The following TPRG1 variants were observed in gnomAD, a reference collection of about 807,000 sequenced individuals.
TPRG1 encodes the protein tumor protein p63 regulated 1.
TPRG1 carries 29 observed loss-of-function variants against 29.3 expected under a neutral mutation model. The ratio of observed to expected loss-of-function variants is 0.99; its 90% CI spans 0.74 to 1.35. TPRG1 has a LOEUF of 1.35. TPRG1 is among the 40% of genes most tolerant of loss of function. The probability of loss-of-function intolerance (pLI) is 0.00; values close to 1 mark genes in which losing one functional copy is unlikely to be tolerated. For missense variants in TPRG1, 327 were observed against 335.0 expected (o/e 0.98, Z 0.19); for synonymous variants, 130 against 116.8 (o/e 1.11, Z -0.73).
chr3:189,151,116 A>G (rs1206868516), intron 5 of TPRG1: 1 of 152,212 alleles, frequency 6.6e-6, no homozygotes, highest in East Asian at 1.9e-4. Context: ...TCAATTAATA[A>G]AAGTTCAGTG....
chr3:189,272,378 C>A (rs891346590), intron 4 of TPRG1, among the ~76,000 whole-genome samples: 1 of 152,148 alleles, frequency 6.6e-6, no homozygotes, highest in Non-Finnish European at 1.5e-5. Context: ...AGATGAGTTT[C>A]CTTTTGAGGC....
intron 1 of TPRG1, among the ~76,000 whole-genome samples, chr3:189,188,777 C>T (rs1299320240): frequency 6.6e-6 from 1 of 152,206 alleles, no homozygotes; most frequent in Admixed American, 6.5e-5. Flanking sequence ...CCAAGAGACA[C>T]TGTCTGTCTC....
chr3:189,148,049 G>A (rs1578537826), intron 4 of TPRG1, among the ~76,000 whole-genome samples: 2 of 152,300 alleles, frequency 1.3e-5, no homozygotes, highest in African/African-American at 4.8e-5. Flanking sequence ...GCTGCCTAAG[G>A]TTCTGATTCA....
At chr3:189,131,052 G>A (rs192855061) in intron 2 of TPRG1, among the ~76,000 whole-genome samples, 8 of 152,230 alleles carry the variant, frequency 5.3e-5, no homozygotes, top group African/African-American at 1.7e-4. Flanking sequence ...TAACGTGATC[G>A]TATGTCCCAC....
chr3:189,267,883 G>A (rs1399174819), intron 4 of TPRG1, among the ~76,000 whole-genome samples: 2 of 152,170 alleles, frequency 1.3e-5, no homozygotes, highest in Non-Finnish European at 2.9e-5. Flanking sequence ...ATTAGAACAG[G>A]GAGCGGTATG....
Position 189,187,655 on chromosome 3 carries a change from C to T in TPRG1, c.-10+15524C>T, listed in dbSNP as rs553598289. Among the ~76,000 whole-genome samples the T allele has an allele frequency of 1.2e-4, 19 of 152,216 alleles. No individual in the cohort carries two copies. The South Asian group carries it at 3.9e-3, about 32-fold the overall frequency. On this transcript the variant is annotated intron_variant, in intron 1 of 5. Transcript: ENST00000345063. Reference sequence around the variant, plus strand: ...ATACTGTCCTGTAAGATGTGTGGATCTACTTGACATTTGAGAAAACTGAGG... The same window carrying T: ...ATACTGTCCTGTAAGATGTGTGGATTTACTTGACATTTGAGAAAACTGAGG...
At chr3:189,191,195 A>G (rs2108741589) in intron 1 of TPRG1, among the ~76,000 whole-genome samples, 1 of 152,326 alleles carries the variant, frequency 6.6e-6, no homozygotes, top group South Asian at 2.1e-4. Context: ...GAAATATAGA[A>G]AAATAAAGAG....
intron 4 of TPRG1, among the ~76,000 whole-genome samples, chr3:189,091,037 ATAAAT>A (rs1718302242): frequency 6.6e-6 from 1 of 152,166 alleles, no homozygotes; most frequent in African/African-American, 2.4e-5. Context: ...CAGTTTCTTC[ATAAAT>A]TAAATGAGAA....
chr3:189,239,870 C>G (rs942791671), intron 4 of TPRG1, among the ~76,000 whole-genome samples: 1 of 152,134 alleles, frequency 6.6e-6, no homozygotes, highest in Admixed American at 6.5e-5. Context: ...GAGGAGAATG[C>G]TGAATTAGGT....
At chr3:189,255,654 G>T (rs913825872) in intron 4 of TPRG1, among the ~76,000 whole-genome samples, 2 of 152,104 alleles carry the variant, frequency 1.3e-5, no homozygotes, top group African/African-American at 4.8e-5. Flanking sequence ...ATCTGGTCCT[G>T]GGCTTTTTTT....
intron 4 of TPRG1, among the ~76,000 whole-genome samples, chr3:189,074,635 GTTCT>G (rs1717024531): frequency 6.6e-6 from 1 of 151,948 alleles, no homozygotes; most frequent in South Asian, 2.1e-4. Flanking sequence ...TCCCTGTGCT[GTTCT>G]TTCTTTAACT....
intron 4 of TPRG1, among the ~76,000 whole-genome samples, chr3:189,077,496 A>G (rs1717258955): frequency 6.6e-6 from 1 of 152,126 alleles, no homozygotes; most frequent in Non-Finnish European, 1.5e-5. Context: ...GAAAAGATTG[A>G]GTGGAAAAAG....
chr3:189,053,648 A>T (rs966467862), intron 4 of TPRG1, among the ~76,000 whole-genome samples: 1 of 152,168 alleles, frequency 6.6e-6, no homozygotes, highest in Non-Finnish European at 1.5e-5. Flanking sequence ...TTAGTCTGCC[A>T]GGAGGACGGA....
chr3:189,122,864 C>T (rs1200527617), intron 1 of TPRG1, among the ~76,000 whole-genome samples: 1 of 152,048 alleles, frequency 6.6e-6, no homozygotes, highest in Non-Finnish European at 1.5e-5. Context: ...AAATTGAGGC[C>T]CGGAGGAACT....
intron 1 of TPRG1, among the ~76,000 whole-genome samples, chr3:189,108,239 C>T (rs925983928): frequency 6.6e-5 from 10 of 152,186 alleles, no homozygotes; most frequent in Non-Finnish European, 1.0e-4. Context: ...AGTCAATCTG[C>T]GATTGTTTAG....
At chr3:189,250,505 C>CG (rs1491185299) in intron 4 of TPRG1, among the ~76,000 whole-genome samples, 1 of 17,746 alleles carries the variant, frequency 5.6e-5, no homozygotes. Context: ...CTGATTTCCG[C>CG]CCCCCCCCCC....
chr3:189,023,247 C>T (rs1713466909), intron 3 of TPRG1, among the ~76,000 whole-genome samples: 1 of 152,180 alleles, frequency 6.6e-6, no homozygotes, highest in South Asian at 2.1e-4. Context: ...CATCTTGGCT[C>T]CTCCCCGAGC....
chr3:189,069,389 A>G (rs1487030600), intron 4 of TPRG1, among the ~76,000 whole-genome samples: 2 of 152,208 alleles, frequency 1.3e-5, no homozygotes, highest in Non-Finnish European at 2.9e-5. Context: ...AAAAAGGGAA[A>G]CATGAGAGAT....
intron 4 of TPRG1, among the ~76,000 whole-genome samples, chr3:189,272,744 CTTCCTTCG>C (rs1183892431): frequency 5.2e-5 from 6 of 115,714 alleles, no homozygotes; most frequent in Non-Finnish European, 6.9e-5. Context: ...TCCTTCCTTC[CTTCCTTCG>C]TTCCTTCCTT....
Sources: gnomAD v4.1 joint callset for allele counts (sites outside exome capture counted in the v4.1 genomes callset) on GRCh38, gnomAD v4.1.1 for gene constraint, MANE v1.5 for transcripts, NCBI Gene and HGNC (gene_info 2026-07-23, HGNC 2026-07-21) for gene names.